The following PTPRG variants were observed in gnomAD, a reference collection of about 807,000 sequenced individuals.
PTPRG encodes the protein protein tyrosine phosphatase receptor type G, also known as receptor-type tyrosine-protein phosphatase gamma.
A neutral mutation model predicts 165.3 loss-of-function variants in PTPRG; 102 were observed. The observed-to-expected ratio is 0.62, with a 90% CI of 0.53 to 0.73. PTPRG has a LOEUF of 0.73. PTPRG is among the 30% of genes least tolerant of loss of function. The pLI is 0.00. For missense variants in PTPRG, 1,866 were observed against 1,861.4 expected (o/e 1.00, Z -0.05); for synonymous variants, 675 against 669.5 (o/e 1.01, Z -0.13).
chr3:62,077,216 T>A (rs1369160189), intron 4 of PTPRG, among the ~76,000 whole-genome samples: 1 of 151,774 alleles, frequency 6.6e-6, no homozygotes, highest in African/African-American at 2.4e-5. Context: ...CAGTGAGCCG[T>A]GGTGGCTGCC....
At chr3:62,122,761 A>C (rs1467427526) in intron 5 of PTPRG, among the ~76,000 whole-genome samples, 1 of 152,202 alleles carries the variant, frequency 6.6e-6, no homozygotes, top group African/African-American at 2.4e-5. Flanking sequence ...TTTTAAACAA[A>C]CTGCTTCTTT....
At chr3:62,226,885 C>T (rs1315058724) in intron 13 of PTPRG, among the ~76,000 whole-genome samples, 1 of 152,138 alleles carries the variant, frequency 6.6e-6, no homozygotes, top group Non-Finnish European at 1.5e-5. Flanking sequence ...TTTAGATTTT[C>T]AGAAATTTTG....
At position 62,034,108 on chromosome 3, in the gene PTPRG, C is replaced by T. The variant is rs139800335; in HGVS notation, c.519+30611C>T. ...GAGAAAATGATAATACAAGCTAATA[C>T]AGGGGATTGGTTCTGCAACCCCCGC... On this transcript the variant is annotated intron_variant, in intron 4 of 29. Transcript: ENST00000474889. 3.4e-3 allele frequency among the ~76,000 whole-genome samples: 514 copies of T among 152,242 alleles called. 3 individuals carry two copies. Among genetic ancestry groups the T allele is most frequent in the Non-Finnish European group, 5.6e-3 (382 of 68,018 alleles).
chr3:62,155,037 T>C (rs1704484088), intron 6 of PTPRG, among the ~76,000 whole-genome samples: 1 of 152,186 alleles, frequency 6.6e-6, no homozygotes, highest in Non-Finnish European at 1.5e-5. Flanking sequence ...CCCCTGTCAT[T>C]AGGCTGCTGG....
chr3:61,707,980 G>T (rs558942205), intron 1 of PTPRG, among the ~76,000 whole-genome samples: 43 of 152,124 alleles, frequency 2.8e-4, no homozygotes, highest in African/African-American at 1.0e-3. Flanking sequence ...GTAGAGATAG[G>T]GTTTCACCAT....
At chr3:62,081,246 G>A (rs1327939643) in intron 5 of PTPRG, among the ~76,000 whole-genome samples, 1 of 132,814 alleles carries the variant, frequency 7.5e-6, no homozygotes, top group East Asian at 2.0e-4. Flanking sequence ...GACAGAGTGA[G>A]ACTCCGTCTC....
chr3:61,647,597 T>C (rs1054413793), intron 1 of PTPRG, among the ~76,000 whole-genome samples: 12 of 152,186 alleles, frequency 7.9e-5, no homozygotes, highest in South Asian at 2.1e-4. Context: ...GAGACCATCC[T>C]GGCTAACACA....
intron 2 of PTPRG, among the ~76,000 whole-genome samples, chr3:61,883,296 G>A (rs1316079633): frequency 1.3e-5 from 2 of 152,052 alleles, no homozygotes; most frequent in African/African-American, 4.8e-5. Context: ...TAATACATCA[G>A]GTCCTTTGTC....
At chr3:61,601,848 T>A (rs1016746696) in intron 1 of PTPRG, among the ~76,000 whole-genome samples, 1 of 152,140 alleles carries the variant, frequency 6.6e-6, no homozygotes, top group Admixed American at 6.5e-5. Flanking sequence ...ATAGACCTCA[T>A]TGGAAGAAGT....
intron 13 of PTPRG, among the ~76,000 whole-genome samples, chr3:62,230,169 T>C (rs1202623529): frequency 6.6e-6 from 1 of 152,250 alleles, no homozygotes; most frequent in African/African-American, 2.4e-5. Flanking sequence ...CTCCAAGTTT[T>C]GGTTCCTGTG....
chr3:62,004,044 G>C (rs1300798421), intron 4 of PTPRG, among the ~76,000 whole-genome samples: 1 of 152,100 alleles, frequency 6.6e-6, no homozygotes, highest in Non-Finnish European at 1.5e-5. Flanking sequence ...CCATCCTGCT[G>C]GACAGAAGAA....
Position 62,210,167 on chromosome 3 carries a change from G to T in PTPRG, c.2155+6217G>T, listed in dbSNP as rs1173870988. Among the ~76,000 whole-genome samples, 1 of 152,166 alleles carries T rather than the reference G, an allele frequency of 6.6e-6. No homozygotes were observed. Among genetic ancestry groups the T allele is most frequent in the Non-Finnish European group, 1.5e-5 (1 of 68,024 alleles). On this transcript the variant is annotated intron_variant, in intron 12 of 29. Coordinates refer to ENST00000474889, the MANE Select transcript of PTPRG (RefSeq NM_002841.4). The surrounding 1 kb of genome is among the most constrained non-coding windows in gnomAD (Gnocchi z 4.1). The stretch of plus-strand genomic sequence containing the variant: ...ATGGTAAGGGAGCACTTATTCACAG[G>T]AACTCTTGGCAGTGATATAAATGGA...
At chr3:61,939,605 T>C (rs1398391821) in intron 2 of PTPRG, among the ~76,000 whole-genome samples, 1 of 152,238 alleles carries the variant, frequency 6.6e-6, no homozygotes, top group Non-Finnish European at 1.5e-5. Context: ...GTTGGGTTTC[T>C]AGTTTTCAAT....
intron 2 of PTPRG, among the ~76,000 whole-genome samples, chr3:61,946,108 A>G (rs924339988): frequency 3.3e-5 from 5 of 152,234 alleles, no homozygotes; most frequent in African/African-American, 1.2e-4. Context: ...GCACAAAATT[A>G]AAAACTTGGC....
intron 1 of PTPRG, among the ~76,000 whole-genome samples, chr3:61,657,458 GC>G (rs1010859945): frequency 1.3e-5 from 2 of 150,790 alleles, no homozygotes; most frequent in African/African-American, 4.9e-5. Flanking sequence ...CATAGCAAGA[GC>G]CCCCGTCTCT....
At chr3:62,046,062 C>T (rs1700281006) in intron 4 of PTPRG, among the ~76,000 whole-genome samples, 1 of 152,130 alleles carries the variant, frequency 6.6e-6, no homozygotes, top group Non-Finnish European at 1.5e-5. Flanking sequence ...GCACCATTCC[C>T]CTCTCTTGGT....
chr3:62,250,798 G>GCT (rs2106970952), intron 15 of PTPRG, among the ~76,000 whole-genome samples: 1 of 152,192 alleles, frequency 6.6e-6, no homozygotes, highest in Non-Finnish European at 1.5e-5. Context: ...CTCTTCTGAG[G>GCT]CTCTGCTTTT....
At chr3:62,039,769 T>C (rs923810751) in intron 4 of PTPRG, among the ~76,000 whole-genome samples, 1 of 152,230 alleles carries the variant, frequency 6.6e-6, no homozygotes, top group Non-Finnish European at 1.5e-5. Context: ...TAAAGATTCC[T>C]GTCCGTTGCC....
intron 2 of PTPRG, among the ~76,000 whole-genome samples, chr3:61,848,844 T>A (rs1020798893): frequency 9.2e-5 from 14 of 152,230 alleles, no homozygotes; most frequent in Admixed American, 3.3e-4. Flanking sequence ...TGCACTTGTT[T>A]TATTCCTTAC....
Sources: allele counts gnomAD v4.1 joint callset (sites outside exome capture counted in the v4.1 genomes callset), GRCh38; gene constraint gnomAD v4.1.1; non-coding constraint Gnocchi (gnomAD v3.1); transcripts MANE v1.5; gene names NCBI Gene and HGNC (gene_info 2026-07-23, HGNC 2026-07-21).